The following ARMC2 variants were observed in gnomAD, a reference collection of about 807,000 sequenced individuals.
ARMC2 encodes the protein armadillo repeat-containing protein 2.
ARMC2 carries 67 observed loss-of-function variants against 90.3 expected under a neutral mutation model. The observed-to-expected ratio is 0.74, with a 90% CI of 0.61 to 0.91. The LOEUF is 0.91. Ranked by LOEUF, ARMC2 falls within the 40% of genes least tolerant of loss-of-function variation. The pLI is 0.00. For missense variants in ARMC2, 920 were observed against 1,030.9 expected (o/e 0.89, Z 1.47); for synonymous variants, 393 against 393.0 (o/e 1.00, Z 0.00).
At chr6:108,923,331 C>T (rs1369476793) in intron 10 of ARMC2, among the ~76,000 whole-genome samples, 1 of 152,006 alleles carries the variant, frequency 6.6e-6, no homozygotes, top group African/African-American at 2.4e-5. Flanking sequence ...GGATGCACAC[C>T]TCCAAGCATG....
At chr6:108,935,108 T>A (rs908544729) in intron 11 of ARMC2, among the ~76,000 whole-genome samples, 1 of 152,138 alleles carries the variant, frequency 6.6e-6, no homozygotes, top group Non-Finnish European at 1.5e-5. Context: ...TTTGAACCAC[T>A]GTGTTACCTT....
chr6:108,989,553 C>A, the ARMC2 span, among the ~76,000 whole-genome samples: 7 of 102,268 alleles, frequency 6.8e-5, no homozygotes, highest in Non-Finnish European at 1.4e-4. Context: ...ATCTCTAGAT[C>A]TAGATCTCTA....
At chr6:108,910,192 G>A (rs146698948) in intron 8 of ARMC2, among the ~76,000 whole-genome samples, 6 of 152,130 alleles carry the variant, frequency 3.9e-5, no homozygotes, top group Non-Finnish European at 7.4e-5. Context: ...TTGGCTGGGC[G>A]TGGTGGCTCA....
At chr6:108,936,246 TTTTGTTTG>T (rs540518859) in intron 11 of ARMC2, among the ~76,000 whole-genome samples, 3 of 151,870 alleles carry the variant, frequency 2.0e-5, no homozygotes, top group African/African-American at 4.8e-5. Flanking sequence ...TGTATAGGTT[TTTTGTTTG>T]TTTGTTTGTT....
At chr6:108,967,671 C>A (rs570758717) in intron 17 of ARMC2, among the ~76,000 whole-genome samples, 2 of 152,194 alleles carry the variant, frequency 1.3e-5, no homozygotes, top group Admixed American at 1.3e-4. Flanking sequence ...ACAGTGTGAA[C>A]GCTATGTAAA....
chr6:108,907,933 G>A (rs1170867820), intron 8 of ARMC2: 12 of 1,423,854 alleles, frequency 8.4e-6, no homozygotes, highest in Non-Finnish European at 1.2e-5. Flanking sequence ...TTTTCTGGGG[G>A]TTTTAAACAA....
chr6:108,976,393 T>G (rs896487143), downstream of ARMC2, among the ~76,000 whole-genome samples: 1 of 149,756 alleles, frequency 6.7e-6, no homozygotes, highest in African/African-American at 2.5e-5. Context: ...TACCATGCTG[T>G]TTTTTTTACT....
chr6:108,855,528 G>C (rs1462188268), intron 2 of ARMC2, among the ~76,000 whole-genome samples: 2 of 152,166 alleles, frequency 1.3e-5, no homozygotes, highest in Admixed American at 1.3e-4. Context: ...TGGGATTACA[G>C]GCGTGAGCGA....
At chr6:109,000,918 A>G in the ARMC2 span, among the ~76,000 whole-genome samples, 2 of 152,292 alleles carry the variant, frequency 1.3e-5, no homozygotes, top group South Asian at 2.1e-4. Context: ...TTTTATCTAT[A>G]TACTTTCAGA....
At chr6:108,974,773 G>A (rs1259508904), downstream of ARMC2, among the ~76,000 whole-genome samples, 1 of 151,996 alleles carries the variant, frequency 6.6e-6, no homozygotes. Flanking sequence ...TGGGGTTCTT[G>A]AAGCCTATTA....
At chr6:108,991,228 A>T in the ARMC2 span, among the ~76,000 whole-genome samples, 1 of 148,048 alleles carries the variant, frequency 6.8e-6, no homozygotes, top group African/African-American at 2.5e-5. Flanking sequence ...TCAAATTATG[A>T]GTGTGTGTGT....
intron 12 of ARMC2, among the ~76,000 whole-genome samples, chr6:108,947,778 G>A (rs1331557148): frequency 2.0e-5 from 3 of 151,348 alleles, no homozygotes; most frequent in African/African-American, 7.3e-5. Flanking sequence ...TCTGTTTTAA[G>A]CAAAATTAGA....
chr6:109,039,021 GAA>G, the ARMC2 span, among the ~76,000 whole-genome samples: 1 of 142,630 alleles, frequency 7.0e-6, no homozygotes, highest in African/African-American at 2.7e-5. Context: ...GAGAAAGAAA[GAA>G]AAAGAGAAAG....
chr6:108,868,674 T>C lies in ARMC2; in HGVS notation c.292-150T>C, dbSNP rs527579212. 23 of 659,182 alleles carry C rather than the reference T, an allele frequency of 3.5e-5. No homozygotes were observed. In the East Asian group the frequency reaches 5.5e-4, roughly 16 times the overall value. 40.8% of individuals were successfully genotyped at this position (659,182 alleles called of 1,614,324 possible). A position where few individuals can be genotyped will look rare whatever the true frequency, so the allele number is the denominator to read the frequency against. On this transcript the variant is annotated intron_variant, in intron 3 of 17. Coordinates refer to ENST00000392644, the MANE Select transcript of ARMC2 (RefSeq NM_032131.6). The stretch of plus-strand genomic sequence containing the variant: ...TATACATATATCACATTATGTAAGA[T>C]GGGCCAGTGAGTTGGTAGAATCAGG...
chr6:109,004,156 G>GA, the ARMC2 span, among the ~76,000 whole-genome samples: 5 of 151,586 alleles, frequency 3.3e-5, no homozygotes, highest in African/African-American at 1.2e-4. Flanking sequence ...TTAAATGTAA[G>GA]AAAAAAATGA....
At chr6:108,870,056 C>A (rs1041660562) in intron 4 of ARMC2, among the ~76,000 whole-genome samples, 23 of 151,842 alleles carry the variant, frequency 1.5e-4, no homozygotes, top group Admixed American at 1.4e-3. Context: ...TGTGTGTGGT[C>A]AAAAAAAGTG....
At chr6:108,946,636 A>G (rs532701650) in intron 12 of ARMC2, among the ~76,000 whole-genome samples, 2 of 152,354 alleles carry the variant, frequency 1.3e-5, no homozygotes, top group South Asian at 2.1e-4. Context: ...GTTTGTAACC[A>G]TATTTTAAAC....
chr6:109,022,599 A>G, the ARMC2 span, among the ~76,000 whole-genome samples: 41 of 151,610 alleles, frequency 2.7e-4, no homozygotes, highest in South Asian at 2.1e-3. Flanking sequence ...TTATTTTTTA[A>G]GTAGAGACAG....
intron 10 of ARMC2, among the ~76,000 whole-genome samples, chr6:108,924,714 AG>A (rs1774945562): frequency 6.6e-6 from 1 of 152,190 alleles, no homozygotes; most frequent in Non-Finnish European, 1.5e-5. Flanking sequence ...AGGAACCTTT[AG>A]GCTATGGGTG....
Sources: allele counts gnomAD v4.1 joint callset (sites outside exome capture counted in the v4.1 genomes callset), GRCh38; gene constraint gnomAD v4.1.1; transcripts MANE v1.5; gene names NCBI Gene and HGNC (gene_info 2026-07-23, HGNC 2026-07-21).